Variants in SLCO4A1 observed in about 807,000 individuals in gnomAD.
The protein encoded by SLCO4A1 is colon organic anion transporter.
A neutral mutation model predicts 64.6 loss-of-function variants in SLCO4A1; 51 were observed. The observed-to-expected ratio is 0.79, with a 90% CI of 0.63 to 1.00. The LOEUF (loss-of-function observed/expected upper bound fraction) is 1.00. Among genes scored for constraint, SLCO4A1 ranks in the 50% least tolerant of loss-of-function variants. The probability of loss-of-function intolerance (pLI) is 0.00; values close to 1 mark genes in which losing one functional copy is unlikely to be tolerated. For synonymous variants in SLCO4A1, 471 were observed against 444.9 expected (o/e 1.06, Z -0.74); for missense variants, 919 against 980.5 (o/e 0.94, Z 0.84).
chr20:62,690,690 C>G (rs1348033330), downstream of SLCO4A1, among the ~76,000 whole-genome samples: 3 of 152,258 alleles, frequency 2.0e-5, no homozygotes, highest in Non-Finnish European at 2.9e-5. Flanking sequence ...TCATCCTATT[C>G]CAGGCAGAGA....
chr20:62,686,092 G>T (rs1001798816), downstream of SLCO4A1, among the ~76,000 whole-genome samples: 4 of 152,164 alleles, frequency 2.6e-5, no homozygotes, highest in Non-Finnish European at 4.4e-5. Flanking sequence ...GTTTATCGCG[G>T]CCACTTCCCA....
Position 62,664,372 on chromosome 20 carries a change from AG to A in SLCO4A1, c.1122-558del, listed in dbSNP as rs1175027082. ...AGTGGCTTCCTGCCCCACTTCTCCC[AG>A]GGGCTGGCGGTTGGGGACTGGCCAC... On this transcript the variant is annotated intron_variant, in intron 5 of 11. Transcript: ENST00000217159. Among the ~76,000 whole-genome samples the A allele has an allele frequency of 2.0e-5, 3 of 152,110 alleles. No individual in the cohort carries two copies. The East Asian group carries it at 5.8e-4, about 29-fold the overall frequency.
Position 62,661,704 on chromosome 20 carries a change from C to T in SLCO4A1, c.1121+529C>T, listed in dbSNP as rs937655974. ...CTCAGAGTCTCTGAGGACCTCCCCC[C>T]TCTACCCGGCGTGTCCCGCTCACCC... On this transcript the variant is annotated intron_variant, in intron 5 of 11. Coordinates refer to ENST00000217159, the MANE Select transcript of SLCO4A1 (RefSeq NM_016354.4). The surrounding 1 kb of genome is among the most constrained non-coding windows in gnomAD (Gnocchi z 5.2). Among the ~76,000 whole-genome samples, 1 of 151,850 alleles carries T rather than the reference C, an allele frequency of 6.6e-6. No individual in the cohort carries two copies. Among genetic ancestry groups the T allele is most frequent in the Non-Finnish European group, 1.5e-5 (1 of 67,896 alleles).
intron 1 of SLCO4A1, among the ~76,000 whole-genome samples, chr20:62,643,594 TGTCAGCTGCTGCTCCTCAGCTG>T (rs1980796288): frequency 6.6e-6 from 1 of 152,258 alleles, no homozygotes. Flanking sequence ...GCAACCAGCT[TGTCAGCTGCTGCTCCTCAGCTG>T]TGGTTTTTGG....
chr20:62,670,782 A>G lies in SLCO4A1; in HGVS notation c.2026-968A>G, dbSNP rs140603861. On this transcript the variant is annotated intron_variant, in intron 11 of 11. Coordinates refer to ENST00000217159, the MANE Select transcript of SLCO4A1 (RefSeq NM_016354.4). ...GTTGGCCTCAGCAGCGCATGCGTCC[A>G]TGTTAATTGTAGCGGGGGAGCACAC... is the stretch of plus-strand genomic sequence containing the variant. Among the ~76,000 whole-genome samples the G allele has an allele frequency of 5.4e-3, 827 of 152,316 alleles. 14 individuals are homozygous for G. The highest frequency in any genetic ancestry group is 0.019 in the African/African-American group (776 of 41,562).
At position 62,660,509 on chromosome 20, in the gene SLCO4A1, C is replaced by G. The variant is rs140573858; in HGVS notation, c.985C>G (p.Leu329Val). Residue 329 changes from leucine (L) to valine (V), a missense_variant, in exon 4 of 12, where the codon CTT becomes GTT. Transcript: ENST00000217159. ...AAAFFTAVPI[L>V]GYPRQLPGSQ... ...TGCTTTCTTCACCGCCGTTCCCATC[C>G]TTGGTTACCCTCGGCAGCTGCCAGG... 6.2e-7 allele frequency: 1 copy of G among 1,605,738 alleles called. No individual in the cohort carries two copies. The highest frequency in any genetic ancestry group is 1.1e-5 in the South Asian group (1 of 91,084).
rs1984996448 is a variant in SLCO4A1, at chr20:62,661,860, G to C, written c.1121+685G>C. Among the ~76,000 whole-genome samples the C allele has an allele frequency of 6.6e-6, 1 of 151,718 alleles. No homozygotes were observed. The highest frequency in any genetic ancestry group is 1.5e-5 in the Non-Finnish European group (1 of 67,878). ...GGGGCCCTGAGCCGGTGGGGTCCTA[G>C]AGGGACAACAGAGGGGCCCGGGCCC... is the stretch of plus-strand genomic sequence containing the variant. On this transcript the variant is annotated intron_variant, in intron 5 of 11. Coordinates refer to ENST00000217159, the MANE Select transcript of SLCO4A1 (RefSeq NM_016354.4). This position sits in a 1 kb window ranked among gnomAD's most constrained non-coding sequence, Gnocchi z 5.2.
chr20:62,657,968 G>T (rs1250266022), intron 2 of SLCO4A1, among the ~76,000 whole-genome samples: 3 of 151,942 alleles, frequency 2.0e-5, no homozygotes, highest in Admixed American at 6.5e-5. Flanking sequence ...CCCCTCACTG[G>T]CTTCCTGCTC....
intron 5 of SLCO4A1, 148 bp from the exon 6 acceptor site, chr20:62,664,786 C>T (rs968523839): frequency 9.4e-6 from 9 of 960,866 alleles, no homozygotes; most frequent in Non-Finnish European, 1.3e-5. Context: ...TTCCTCCCAC[C>T]CTGGGTCTGG....
intron 9 of SLCO4A1, 49 bp downstream of exon 9, chr20:62,668,233 C>A (rs1165183023): frequency 1.3e-6 from 2 of 1,599,028 alleles, no homozygotes; most frequent in Non-Finnish European, 1.7e-6. Context: ...CTTGCAGCAC[C>A]CTGAGGCGGA....
chr20:62,655,272 CTGTAT>C (rs1326091838), intron 1 of SLCO4A1, among the ~76,000 whole-genome samples: 4 of 138,588 alleles, frequency 2.9e-5, no homozygotes, highest in African/African-American at 7.9e-5. Context: ...CACAGGTGTT[CTGTAT>C]CACAGCAGCC....
At chr20:62,683,291 G>A (rs1186512531) in intron 2 of SLCO4A1, among the ~76,000 whole-genome samples, 1 of 151,872 alleles carries the variant, frequency 6.6e-6, no homozygotes, top group East Asian at 1.9e-4. Flanking sequence ...TCTCGGGAGC[G>A]GCCGTGACGG....
Position 62,654,718 on chromosome 20 carries a change from G to A in SLCO4A1, c.-96-1641G>A, listed in dbSNP as rs567366691. On this transcript the variant is annotated intron_variant, in intron 1 of 11. Coordinates refer to ENST00000217159, the MANE Select transcript of SLCO4A1 (RefSeq NM_016354.4). ...GGCTGAATAAGCTTCCAGAAGCGCC[G>A]GGGTCCCTGTTGAATGTGATACAAT... 2.9e-4 allele frequency among the ~76,000 whole-genome samples: 44 copies of A among 152,088 alleles called. 1 individual carries two copies. The South Asian group carries it at 7.7e-3, about 27-fold the overall frequency.
intron 2 of SLCO4A1, among the ~76,000 whole-genome samples, chr20:62,657,976 C>A (rs1224686875): frequency 6.6e-6 from 1 of 152,056 alleles, no homozygotes; most frequent in Non-Finnish European, 1.5e-5. Context: ...TGGCTTCCTG[C>A]TCCTGTTTGT....
At chr20:62,686,365 C>T (rs1008343226), downstream of SLCO4A1, among the ~76,000 whole-genome samples, 10 of 152,198 alleles carry the variant, frequency 6.6e-5, no homozygotes, top group Admixed American at 1.3e-4. Context: ...GCGTGGAGCT[C>T]GCAGTTCTTC....
In SLCO4A1 at chr20:62,657,000, G is replaced by A. The variant is rs147575435; in HGVS notation, c.546G>A (p.Thr182=). 13 of 1,574,550 alleles carry A rather than the reference G, an allele frequency of 8.3e-6. No homozygotes were observed. Among genetic ancestry groups the A allele is most frequent in the African/African-American group, 2.7e-5 (2 of 74,542 alleles). Residue 182 remains threonine (T), a synonymous_variant, in exon 2 of 12, where the codon ACG becomes ACA. Transcript: ENST00000217159. The part of the protein sequence containing the change: ...WLGWGVLLMG[T]GSLVFALPHF... ...GCTGGGGCGTGCTGCTTATGGGCAC[G>A]GGGTCGCTGGTGTTCGCGCTGCCCC... is the stretch of plus-strand genomic sequence containing the variant.
rs1183839701 is a variant in SLCO4A1, at chr20:62,656,851, C to T, written c.397C>T (p.Arg133Cys). Residue 133 changes from arginine (R) to cysteine (C), a missense_variant, in exon 2 of 12, where the codon CGC (arginine) becomes TGC (cysteine). By Grantham distance (180) the Arg-to-Cys change is radical. Coordinates refer to ENST00000217159, the MANE Select transcript of SLCO4A1 (RefSeq NM_016354.4). ...FINTVITSLERRYDLHSYQSG... is the reference protein window; with the variant it reads ...FINTVITSLECRYDLHSYQSG... ...CAACACAGTCATCACCTCCCTGGAG[C>T]GCCGCTATGACCTGCACAGCTACCA... 5.6e-6 allele frequency: 9 copies of T among 1,606,944 alleles called. No individual in the cohort carries two copies. Among genetic ancestry groups the T allele is most frequent in the Admixed American group, 1.7e-5 (1 of 59,752 alleles).
At chr20:62,673,641 C>G (rs1413582999), downstream of SLCO4A1, among the ~76,000 whole-genome samples, 2 of 144,780 alleles carry the variant, frequency 1.4e-5, 1 homozygote, top group Non-Finnish European at 3.1e-5. Context: ...TTCTCAAGGG[C>G]TGCCCTGGCG....
Position 62,672,188 on chromosome 20 carries a change from G to A in SLCO4A1, c.*295G>A. On this transcript the variant is annotated 3_prime_UTR_variant, in exon 12 of 12. Transcript: ENST00000217159. ...TGTGCGTGAGGACAAACTCCGCAGG[G>A]GCTGTGAATCCCACTGGGAGGGCGG... 2.3e-6 allele frequency: 3 copies of A among 1,310,922 alleles called. No individual in the cohort carries two copies. In the South Asian group the frequency reaches 4.9e-5, roughly 21 times the overall value. 81.2% of individuals were successfully genotyped at this position (1,310,922 alleles called of 1,614,324 possible).
Sources: allele counts gnomAD v4.1 joint callset (sites outside exome capture counted in the v4.1 genomes callset), GRCh38; gene constraint gnomAD v4.1.1; non-coding constraint Gnocchi (gnomAD v3.1); transcripts MANE v1.5; gene names NCBI Gene and HGNC (gene_info 2026-07-23, HGNC 2026-07-21).